The following SRPK2 variants were observed in gnomAD, a reference collection of about 807,000 sequenced individuals.
SRPK2 encodes the protein SRSF protein kinase 2.
Under a neutral mutation model 90.8 loss-of-function variants are expected in SRPK2, and 21 were observed. That is an observed-to-expected ratio of 0.23 (90% CI 0.16 to 0.33). The LOEUF is 0.33. Ranked by LOEUF, SRPK2 falls within the 10% of genes least tolerant of loss-of-function variation. SRPK2 has a pLI of 1.00. For synonymous variants in SRPK2, 288 were observed against 311.1 expected, an observed-to-expected ratio of 0.93 and a Z score of 0.78; for missense variants, 620 against 869.0, an observed-to-expected ratio of 0.71 and a Z score of 3.60.
At chr7:105,391,110 T>A (rs776654148), upstream of SRPK2, among the ~76,000 whole-genome samples, 1 of 152,194 alleles carries the variant, frequency 6.6e-6, no homozygotes, top group Admixed American at 6.6e-5. Context: ...AGAATTAACA[T>A]CATTAGTTGT....
intron 2 of SRPK2, among the ~76,000 whole-genome samples, chr7:105,247,048 G>A (rs1181513289): frequency 6.6e-6 from 1 of 152,158 alleles, no homozygotes; most frequent in Non-Finnish European, 1.5e-5. Flanking sequence ...TCAGTCTTCT[G>A]TAGAGAAAAC....
chr7:105,377,292 T>C (rs1585967346), intron 2 of SRPK2, among the ~76,000 whole-genome samples: 1 of 152,170 alleles, frequency 6.6e-6, no homozygotes, highest in Non-Finnish European at 1.5e-5. Flanking sequence ...CCATCAGCTA[T>C]ACCTGACAAC....
At chr7:105,349,341 G>A (rs1332092843) in intron 2 of SRPK2, among the ~76,000 whole-genome samples, 1 of 151,946 alleles carries the variant, frequency 6.6e-6, no homozygotes, top group Non-Finnish European at 1.5e-5. Context: ...CGACCAACAT[G>A]GAGAAGCCCC....
chr7:105,176,717 GTGTGTGTGTATGTATGTATGTA>G (rs1791971719), intron 3 of SRPK2, among the ~76,000 whole-genome samples: 1 of 113,300 alleles, frequency 8.8e-6, no homozygotes, highest in Non-Finnish European at 1.9e-5. Flanking sequence ...GTATGTGTGT[GTGTGTGTGTATGTATGTATGTA>G]TGTGTGTATA....
chr7:105,226,594 C>G lies in SRPK2; in HGVS notation c.72-22809G>C, dbSNP rs79424835. On this transcript the variant is annotated intron_variant, in intron 2 of 15. Transcript: ENST00000393651. ...TGAGCCACCATGCCGGGCCAAAATT[C>G]ATGTTTTAAGAAGATATCCAAGCCA... Among the ~76,000 whole-genome samples the G allele has an allele frequency of 1.1e-3, 165 of 152,224 alleles. 1 individual carries two copies. Among genetic ancestry groups the G allele is most frequent in the African/African-American group, 3.9e-3 (161 of 41,532 alleles).
chr7:105,232,678 T>C (rs1223307171), intron 2 of SRPK2, among the ~76,000 whole-genome samples: 1 of 149,796 alleles, frequency 6.7e-6, no homozygotes, highest in African/African-American at 2.5e-5. Context: ...CAGACCCTTT[T>C]CAAATATCTC....
At position 105,117,047 on chromosome 7, in the gene SRPK2, T is replaced by C. The variant is rs749520784; in HGVS notation, c.*791A>G. ...TTTTTAAAGGGAAATTGCTCTTCTT[T>C]AAAAGTACTTTTAAAAATATGCAAA... On this transcript the variant is annotated 3_prime_UTR_variant, in exon 16 of 16. Coordinates refer to ENST00000393651, the MANE Select transcript of SRPK2 (RefSeq NM_182692.3). 6.6e-5 allele frequency: 10 copies of C among 152,262 alleles called. No homozygotes were observed. The highest frequency in any genetic ancestry group is 1.2e-4 in the Non-Finnish European group (8 of 68,054). The allele number at this position is 152,262 out of a possible 1,614,324, so 9.4% of individuals were successfully genotyped here.
chr7:105,388,963 G>C (rs947903257), upstream of SRPK2: 24 of 1,137,906 alleles, frequency 2.1e-5, no homozygotes, highest in Non-Finnish European at 2.6e-5. Context: ...GACCCAGCAA[G>C]ACCCGCCCCC....
downstream of SRPK2, among the ~76,000 whole-genome samples, chr7:105,114,870 G>T (rs557763008): frequency 2.0e-5 from 3 of 152,254 alleles, no homozygotes; most frequent in East Asian, 5.8e-4. Context: ...GGCCAAGTTT[G>T]CCATCCTCAA....
intron 3 of SRPK2, among the ~76,000 whole-genome samples, chr7:105,195,630 C>G (rs1235456701): frequency 6.6e-6 from 1 of 152,186 alleles, no homozygotes; most frequent in Non-Finnish European, 1.5e-5. Context: ...AGGATTTAGT[C>G]TGAGTAGTGC....
intron 15 of SRPK2, 63 bp from the exon 16 acceptor site, chr7:105,118,085 C>T: frequency 7.6e-6 from 12 of 1,575,996 alleles, no homozygotes; most frequent in Non-Finnish European, 9.5e-6. Context: ...CATTGTTGGT[C>T]CAGTCAGGTT....
intron 3 of SRPK2, among the ~76,000 whole-genome samples, chr7:105,188,003 A>G (rs1793809066): frequency 6.6e-6 from 1 of 152,170 alleles, no homozygotes; most frequent in Non-Finnish European, 1.5e-5. Flanking sequence ...TGATTACCAT[A>G]TGACCCAGCA....
chr7:105,227,934 A>C (rs1474402145), intron 2 of SRPK2, among the ~76,000 whole-genome samples: 2 of 150,704 alleles, frequency 1.3e-5, no homozygotes, highest in Admixed American at 1.3e-4. Flanking sequence ...CAACGATAAG[A>C]CTCCAAATAA....
upstream of SRPK2, among the ~76,000 whole-genome samples, chr7:105,390,562 G>A (rs950273645): frequency 4.0e-5 from 6 of 151,088 alleles, no homozygotes; most frequent in Non-Finnish European, 8.8e-5. Context: ...CCGAGTAGCT[G>A]GGATTACAGG....
chr7:105,310,245 G>T (rs1156683156), intron 2 of SRPK2, among the ~76,000 whole-genome samples: 1 of 152,170 alleles, frequency 6.6e-6, no homozygotes, highest in Non-Finnish European at 1.5e-5. Flanking sequence ...AACAGGGAGA[G>T]ACTGAAGACA....
At chr7:105,203,522 C>A in intron 3 of SRPK2, 106 bp downstream of exon 3, 2 of 1,284,246 alleles carry the variant, frequency 1.6e-6, no homozygotes, top group Non-Finnish European at 2.0e-6. Flanking sequence ...TAATGAAGAC[C>A]AAGCAATTTG....
At position 105,133,060 on chromosome 7, in the gene SRPK2, G is replaced by A. The variant is rs373228452; in HGVS notation, c.1588C>T (p.Arg530Trp). 3.2e-5 allele frequency: 51 copies of A among 1,613,966 alleles called. No individual in the cohort carries two copies. The Admixed American group carries it at 3.8e-4, about 12-fold the overall frequency. Reference sequence around the variant, plus strand: ...TTTACTCTAATTTTATCTGCATTCCGCGGATCCAGGGGATTCACCAACAAG... The same window carrying A: ...TTTACTCTAATTTTATCTGCATTCCACGGATCCAGGGGATTCACCAACAAG... ...ADLLVNPLDP[R>W]NADKIRVKIA... is the part of the protein sequence containing the mutation. The change falls in exon 12 of 16, where the codon CGG becomes TGG. Residue 530 changes from arginine to tryptophan, a missense_variant. Transcript: ENST00000393651.
At chr7:105,130,115 C>T (rs1164929491) in intron 13 of SRPK2, among the ~76,000 whole-genome samples, 1 of 152,196 alleles carries the variant, frequency 6.6e-6, no homozygotes, top group African/African-American at 2.4e-5. Context: ...CCAAACCCAA[C>T]ATACCCTTGC....
chr7:105,187,973 T>C (rs563740327), intron 3 of SRPK2, among the ~76,000 whole-genome samples: 1 of 152,152 alleles, frequency 6.6e-6, no homozygotes, highest in African/African-American at 2.4e-5. Context: ...TCTGGGGAAA[T>C]AATCTGACAG....
Sources: gnomAD v4.1 joint callset for allele counts (sites outside exome capture counted in the v4.1 genomes callset) on GRCh38, gnomAD v4.1.1 for gene constraint, MANE v1.5 for transcripts, NCBI Gene and HGNC (gene_info 2026-07-23, HGNC 2026-07-21) for gene names.